COBL: variants seen among roughly 807,000 people sequenced by gnomAD.
The protein encoded by COBL is protein cordon-bleu.
COBL carries 51 observed loss-of-function variants against 98.8 expected under a neutral mutation model. The ratio of observed to expected loss-of-function variants is 0.52; its 90% confidence interval spans 0.41 to 0.65. COBL has a LOEUF of 0.65. Among genes scored for constraint, COBL ranks in the 30% least tolerant of loss-of-function variants. COBL has a pLI of 0.00. For missense variants in COBL, 1,617 were observed against 1,617.5 expected, an observed-to-expected ratio of 1.00 and a Z score of 0.01; for synonymous variants, 634 against 651.7, an observed-to-expected ratio of 0.97 and a Z score of 0.41.
chr7:51,259,912 G>C, intron 1 of COBL: 1 of 756,084 alleles, frequency 1.3e-6, no homozygotes, highest in Non-Finnish European at 2.4e-6. Flanking sequence ...TAAAGGCCAA[G>C]GAATGTTATC....
chr7:51,207,761 A>G (rs1584174371), intron 2 of COBL, among the ~76,000 whole-genome samples: 1 of 152,052 alleles, frequency 6.6e-6, no homozygotes, highest in East Asian at 1.9e-4. Context: ...GAGTGCAGTG[A>G]CGTGATCTCA....
chr7:51,129,847 A>C (rs913147097), intron 6 of COBL, among the ~76,000 whole-genome samples: 1 of 152,212 alleles, frequency 6.6e-6, no homozygotes, highest in African/African-American at 2.4e-5. Context: ...GAGGCTTTAA[A>C]GCATGACATG....
chr7:51,270,669 A>C (rs1798672481), intron 1 of COBL, among the ~76,000 whole-genome samples: 1 of 152,224 alleles, frequency 6.6e-6, no homozygotes, highest in Admixed American at 6.5e-5. Context: ...TTCTAGAGAA[A>C]ACAGAGGTGC....
Position 51,176,409 on chromosome 7 carries a change from GACAC to G in COBL, c.783+7689_783+7692del, listed in dbSNP as rs112105124. On this transcript the variant is annotated intron_variant, in intron 5 of 12. Coordinates refer to ENST00000265136, the MANE Select transcript of COBL (RefSeq NM_015198.5). ...TGGGATATATATGTATACACACACA[GACAC>G]ACACACACACACACACATATATGCA... Among the ~76,000 whole-genome samples the G allele has an allele frequency of 3.3e-5, 5 of 149,288 alleles. No homozygotes were observed. In the South Asian group the frequency reaches 6.4e-4, roughly 19 times the overall value.
intron 1 of COBL, among the ~76,000 whole-genome samples, chr7:51,231,260 A>G (rs532762041): frequency 7.2e-5 from 11 of 152,298 alleles, no homozygotes; most frequent in African/African-American, 2.4e-4. Flanking sequence ...TATTTGCTCT[A>G]GTGCAGAGGA....
intron 8 of COBL, 101 bp from the exon 9 acceptor site, chr7:51,031,010 T>A: frequency 1.2e-6 from 1 of 827,882 alleles, no homozygotes; most frequent in Non-Finnish European, 2.0e-6. Flanking sequence ...CATACTCAAA[T>A]TCAAGCAGTC....
intron 5 of COBL, among the ~76,000 whole-genome samples, chr7:51,139,392 A>G (rs2129010066): frequency 6.6e-6 from 1 of 152,302 alleles, no homozygotes; most frequent in South Asian, 2.1e-4. Flanking sequence ...CAGTCCTCCT[A>G]GAAGTTCTGA....
At chr7:51,273,336 AAAAAAAAAAAGAAAAAG>A (rs1798958145) in intron 1 of COBL, among the ~76,000 whole-genome samples, 1 of 151,060 alleles carries the variant, frequency 6.6e-6, no homozygotes, top group Non-Finnish European at 1.5e-5. Flanking sequence ...TCAAAAAAAA[AAAAAAAAAAAGAAAAAG>A]AAAAGAAAGT....
At chr7:51,037,893 C>T (rs964944079) in intron 8 of COBL, among the ~76,000 whole-genome samples, 1 of 152,140 alleles carries the variant, frequency 6.6e-6, no homozygotes, top group South Asian at 2.1e-4. Context: ...CTCTTGTCAC[C>T]CAGGCTGGAG....
intron 5 of COBL, among the ~76,000 whole-genome samples, chr7:51,157,390 C>T (rs910814600): frequency 2.6e-5 from 4 of 152,100 alleles, no homozygotes; most frequent in Admixed American, 2.6e-4. Flanking sequence ...ATAAACAAGG[C>T]CCCTGGCAAT....
chr7:51,214,674 C>T (rs1792852833), intron 2 of COBL, among the ~76,000 whole-genome samples: 1 of 152,186 alleles, frequency 6.6e-6, no homozygotes, highest in Non-Finnish European at 1.5e-5. Flanking sequence ...GGGCCCCTGA[C>T]ATAGCCCAGT....
At chr7:51,108,125 CCTAA>C (rs1796478102) in intron 6 of COBL, among the ~76,000 whole-genome samples, 1 of 152,190 alleles carries the variant, frequency 6.6e-6, no homozygotes, top group African/African-American at 2.4e-5. Flanking sequence ...CTCCAGCACT[CCTAA>C]CTCTGTTCCT....
intron 6 of COBL, 78 bp from the exon 7 acceptor site, chr7:51,085,382 T>C (rs1160635546): frequency 2.8e-6 from 4 of 1,409,456 alleles, no homozygotes; most frequent in East Asian, 4.7e-5. Context: ...ATTAGGGTGA[T>C]TGTGCTGGGG....
chr7:51,092,066 C>T (rs1264703378), intron 6 of COBL, among the ~76,000 whole-genome samples: 3 of 152,242 alleles, frequency 2.0e-5, no homozygotes, highest in Non-Finnish European at 4.4e-5. Flanking sequence ...ACTGCCTGAG[C>T]TCTGCCTCAC....
At chr7:51,040,222 C>T (rs144517954) in intron 8 of COBL, among the ~76,000 whole-genome samples, 1,677 of 151,310 alleles carry the variant, frequency 0.011, 62 homozygotes, top group Admixed American at 0.047. Context: ...CAAAATGGTG[C>T]CCAAAAAACT....
At chr7:51,302,146 C>G (rs1016714950) in intron 1 of COBL, among the ~76,000 whole-genome samples, 2 of 152,192 alleles carry the variant, frequency 1.3e-5, no homozygotes, top group Non-Finnish European at 2.9e-5. Context: ...AGGGCAAAGG[C>G]CTGGCCTCCC....
intron 8 of COBL, among the ~76,000 whole-genome samples, chr7:51,039,966 G>T (rs2128884281): frequency 6.6e-6 from 1 of 152,260 alleles, no homozygotes; most frequent in East Asian, 1.9e-4. Flanking sequence ...GAAAGCATGT[G>T]TTTTCCACAC....
intron 1 of COBL, among the ~76,000 whole-genome samples, chr7:51,232,673 T>C (rs1281848580): frequency 6.6e-6 from 1 of 151,970 alleles, no homozygotes; most frequent in African/African-American, 2.4e-5. Context: ...CAGCTGGGCG[T>C]GGTGGCGGGC....
intron 8 of COBL, among the ~76,000 whole-genome samples, chr7:51,039,974 C>T (rs1789008653): frequency 6.6e-6 from 1 of 152,198 alleles, no homozygotes; most frequent in Non-Finnish European, 1.5e-5. Flanking sequence ...GTGTTTTCCA[C>T]ACTGCCTGTG....
Sources: gnomAD v4.1 joint callset for allele counts (sites outside exome capture counted in the v4.1 genomes callset) on GRCh38, gnomAD v4.1.1 for gene constraint, MANE v1.5 for transcripts, NCBI Gene and HGNC (gene_info 2026-07-23, HGNC 2026-07-21) for gene names.